The following POC1B variants were observed in gnomAD, a reference collection of about 807,000 sequenced individuals.
POC1B encodes POC1 centriolar protein homolog B.
POC1B carries 44 observed loss-of-function variants against 60.6 expected under a neutral mutation model. The observed-to-expected ratio is 0.73, with a 90% CI of 0.57 to 0.93. POC1B has a LOEUF of 0.93. Among genes scored for constraint, POC1B ranks in the 40% least tolerant of loss-of-function variants. The pLI is 0.00. For missense variants in POC1B, 555 were observed against 572.3 expected (o/e 0.97, Z 0.31); for synonymous variants, 180 against 198.9 (o/e 0.90, Z 0.80).
intron 2 of POC1B, among the ~76,000 whole-genome samples, chr12:89,510,433 A>G (rs766606580): frequency 6.6e-6 from 1 of 152,218 alleles, no homozygotes; most frequent in Admixed American, 6.5e-5. Context: ...TCAGTCTAGC[A>G]GTGAGAGATC....
chr12:89,423,598 G>A (rs756483753), intron 11 of POC1B, among the ~76,000 whole-genome samples: 4 of 151,998 alleles, frequency 2.6e-5, no homozygotes, highest in Non-Finnish European at 4.4e-5. Context: ...GATAAACACC[G>A]TCCAACTTAG....
chr12:89,488,314 A>G (rs981699736), intron 4 of POC1B, among the ~76,000 whole-genome samples: 3 of 152,174 alleles, frequency 2.0e-5, no homozygotes, highest in African/African-American at 4.8e-5. Flanking sequence ...GAATCAGGCT[A>G]AACATCATGC....
At chr12:89,448,041 C>A (rs567742851) in intron 10 of POC1B, among the ~76,000 whole-genome samples, 84 of 152,216 alleles carry the variant, frequency 5.5e-4, no homozygotes, top group South Asian at 4.4e-3. Context: ...TGCCTACAGC[C>A]ACACAGTTTG....
chr12:89,446,458 T>G (rs967632606), intron 10 of POC1B, among the ~76,000 whole-genome samples: 31 of 152,158 alleles, frequency 2.0e-4, no homozygotes, highest in African/African-American at 4.6e-4. Flanking sequence ...TTTAGGGACG[T>G]GGATGAAGGT....
chr12:89,427,705 A>AAAAACAAAACAAAAC (rs765549768), intron 10 of POC1B: 1 of 152,272 alleles, frequency 6.6e-6, no homozygotes, highest in African/African-American at 2.4e-5. Context: ...TCTGTCTCTT[A>AAAAACAAAACAAAAC]AAAACAAAAC....
Position 89,419,765 on chromosome 12 carries a change from A to G in POC1B, c.*1388T>C, listed in dbSNP as rs1268726439. The G allele has an allele frequency of 6.6e-6, 1 of 152,242 alleles. No homozygotes were observed. Among genetic ancestry groups the G allele is most frequent in the Non-Finnish European group, 1.5e-5 (1 of 68,038 alleles). The allele number at this position is 152,242 out of a possible 1,614,324, so 9.4% of individuals were successfully genotyped here. A position where few individuals can be genotyped will look rare whatever the true frequency, so the allele number is the denominator to read the frequency against. On this transcript the variant is annotated 3_prime_UTR_variant, in exon 12 of 12. Coordinates refer to ENST00000313546, the MANE Select transcript of POC1B (RefSeq NM_172240.3). Reference sequence around the variant, plus strand: ...TCTTTATTGTTTGAAGCATGACAAAATAAAATTGATAGGACATTTCATTTC... The same window carrying G: ...TCTTTATTGTTTGAAGCATGACAAAGTAAAATTGATAGGACATTTCATTTC...
chr12:89,495,192 GCTCAT>G (rs1869184485), intron 3 of POC1B, among the ~76,000 whole-genome samples: 1 of 152,204 alleles, frequency 6.6e-6, no homozygotes, highest in African/African-American at 2.4e-5. Flanking sequence ...TGAGCTTTTA[GCTCAT>G]CTACCCTTAT....
chr12:89,464,483 GTTTTT>G (rs766668019), intron 9 of POC1B, among the ~76,000 whole-genome samples: 1 of 94,722 alleles, frequency 1.1e-5, no homozygotes, highest in Non-Finnish European at 1.9e-5. Flanking sequence ...TTTTATAAGA[GTTTTT>G]TTTTTTTTTT....
downstream of POC1B, among the ~76,000 whole-genome samples, chr12:89,418,642 T>C (rs1327437650): frequency 6.6e-6 from 1 of 152,088 alleles, no homozygotes; most frequent in African/African-American, 2.4e-5. Flanking sequence ...CTCCTCGAAG[T>C]AGAGAGTGAG....
chr12:89,411,381 TTTATATGCACA>T, the POC1B span, among the ~76,000 whole-genome samples: 1 of 152,228 alleles, frequency 6.6e-6, no homozygotes, highest in African/African-American at 2.4e-5. Flanking sequence ...CTCTGGTTGT[TTTATATGCACA>T]TTATAATTAC....
At chr12:89,484,452 A>G (rs1248187377) in intron 4 of POC1B, among the ~76,000 whole-genome samples, 1 of 152,232 alleles carries the variant, frequency 6.6e-6, no homozygotes, top group Non-Finnish European at 1.5e-5. Context: ...CTATGTGCAA[A>G]TATGTGAAAT....
chr12:89,489,084 G>GA (rs1464960832), intron 4 of POC1B, among the ~76,000 whole-genome samples: 1 of 152,050 alleles, frequency 6.6e-6, no homozygotes, highest in Non-Finnish European at 1.5e-5. Context: ...CCTTAGTTGG[G>GA]AAAAAATTGT....
chr12:89,505,106 C>G (rs1216572329), intron 2 of POC1B, among the ~76,000 whole-genome samples: 2 of 152,156 alleles, frequency 1.3e-5, no homozygotes, highest in South Asian at 2.1e-4. Flanking sequence ...CATTAGTCAT[C>G]ACGAAAACGT....
rs144002482 is a variant in POC1B, at chr12:89,436,735, A to C, written c.1114-11356T>G. 2.7e-3 allele frequency among the ~76,000 whole-genome samples: 414 copies of C among 152,262 alleles called. 2 individuals carry two copies. Among genetic ancestry groups the C allele is most frequent in the African/African-American group, 8.2e-3 (342 of 41,562 alleles). ...TCTCAAAAAAAAAACAACCAAAAAA[A>C]AACCCAAAAAACAAAAAAAACAAGC... On this transcript the variant is annotated intron_variant, in intron 10 of 11. Transcript: ENST00000313546.
At chr12:89,459,586 A>G in intron 10 of POC1B, 52 bp downstream of exon 10, 1 of 1,092,544 alleles carries the variant, frequency 9.2e-7, no homozygotes, top group Middle Eastern at 2.1e-4. Flanking sequence ...GATTATGCCA[A>G]ATGATTAAAT....
Position 89,452,168 on chromosome 12 carries a change from G to A in POC1B, c.1113+7470C>T, listed in dbSNP as rs534952789. Among the ~76,000 whole-genome samples, 12 of 152,224 alleles carry A rather than the reference G, an allele frequency of 7.9e-5. No homozygotes were observed. In the South Asian group the frequency reaches 1.0e-3, roughly 13 times the overall value. On this transcript the variant is annotated intron_variant, in intron 10 of 11. Transcript: ENST00000313546. ...TGTCGGGCATTTTCAGCATGCCTCG[G>A]TCTCAGCTGTGGGAACTGGGGATGC...
At chr12:89,477,285 A>G (rs753975054) in intron 4 of POC1B, among the ~76,000 whole-genome samples, 15 of 152,228 alleles carry the variant, frequency 9.9e-5, no homozygotes, top group Non-Finnish European at 1.6e-4. Flanking sequence ...TGTTGACTAC[A>G]GTAGCAGGAT....
chr12:89,469,900 G>C (rs1173505378), intron 7 of POC1B, among the ~76,000 whole-genome samples: 1 of 148,796 alleles, frequency 6.7e-6, no homozygotes, highest in Non-Finnish European at 1.5e-5. Context: ...TGACAGTCTT[G>C]CTCTGTTGCC....
At chr12:89,437,596 A>AC (rs34105904) in intron 10 of POC1B, among the ~76,000 whole-genome samples, 13 of 147,000 alleles carry the variant, frequency 8.8e-5, no homozygotes, top group African/African-American at 2.3e-4. Context: ...TACATATTTG[A>AC]CCCCCCCACC....
Sources: gnomAD v4.1 joint callset for allele counts (sites outside exome capture counted in the v4.1 genomes callset) on GRCh38, gnomAD v4.1.1 for gene constraint, MANE v1.5 for transcripts, NCBI Gene and HGNC (gene_info 2026-07-23, HGNC 2026-07-21) for gene names.